RALYL: variants seen among roughly 807,000 people sequenced by gnomAD.
RALYL encodes RALY RNA binding protein like, also known as RNA-binding Raly-like protein.
A neutral mutation model predicts 35.1 loss-of-function variants in RALYL; 29 were observed. The observed-to-expected ratio is 0.83, with a 90% CI of 0.61 to 1.13. RALYL has a LOEUF of 1.13. RALYL is among the 50% of genes most tolerant of loss of function. The probability of loss-of-function intolerance (pLI) is 0.00; values close to 1 mark genes in which losing one functional copy is unlikely to be tolerated. For missense variants in RALYL, 359 were observed against 360.4 expected, an observed-to-expected ratio of 1.00 and a Z score of 0.03; for synonymous variants, 120 against 127.6, an observed-to-expected ratio of 0.94 and a Z score of 0.40.
intron 1 of RALYL, among the ~76,000 whole-genome samples, chr8:84,191,216 A>G (rs1029356691): frequency 4.0e-5 from 6 of 150,610 alleles, no homozygotes; most frequent in Non-Finnish European, 7.4e-5. Context: ...GTGTGTGTAC[A>G]GTGATAACAT....
chr8:84,449,943 G>A (rs1181894819), intron 1 of RALYL, among the ~76,000 whole-genome samples: 1 of 151,606 alleles, frequency 6.6e-6, no homozygotes, highest in East Asian at 2.0e-4. Flanking sequence ...ATAATTCAGG[G>A]ACCATATTGT....
intron 1 of RALYL, among the ~76,000 whole-genome samples, chr8:84,307,438 C>T (rs77845540): frequency 0.018 from 2,768 of 152,208 alleles, 37 homozygotes; most frequent in South Asian, 0.03. Context: ...TTTGCCCTCT[C>T]TTGTCAATTC....
chr8:84,769,523 A>G (rs2634064), intron 2 of RALYL, among the ~76,000 whole-genome samples: 44,123 of 152,052 alleles, frequency 0.29, 7,107 homozygotes, highest in African/African-American at 0.42. Context: ...CACTGTGGGA[A>G]GCCGAGGCTG....
At chr8:84,740,282 T>TA (rs1848044045) in intron 2 of RALYL, among the ~76,000 whole-genome samples, 2 of 152,108 alleles carry the variant, frequency 1.3e-5, no homozygotes, top group African/African-American at 4.8e-5. Context: ...GCAAGTCAGT[T>TA]ACTCTCTGCA....
chr8:84,768,040 C>T (rs1814538505), intron 2 of RALYL, among the ~76,000 whole-genome samples: 1 of 152,140 alleles, frequency 6.6e-6, no homozygotes. Context: ...GAAATAACAC[C>T]TTACTTTTTG....
At chr8:84,629,302 T>G (rs558723533) in intron 2 of RALYL, among the ~76,000 whole-genome samples, 2 of 152,084 alleles carry the variant, frequency 1.3e-5, no homozygotes, top group Non-Finnish European at 2.9e-5. Flanking sequence ...AACTTTTCTT[T>G]AATGGACAGA....
chr8:84,774,475 T>C, intron 2 of RALYL, 104 bp from the exon 3 acceptor site: 2 of 742,066 alleles, frequency 2.7e-6, no homozygotes, highest in Non-Finnish European at 4.5e-6. Flanking sequence ...GTGTACAATA[T>C]TTGCATAAAC....
intron 2 of RALYL, among the ~76,000 whole-genome samples, chr8:84,575,011 T>G (rs962726617): frequency 6.6e-6 from 1 of 152,194 alleles, no homozygotes; most frequent in African/African-American, 2.4e-5. Flanking sequence ...GATTTTACTT[T>G]CATTTCTTCC....
At chr8:84,435,856 C>G (rs1184029326) in intron 1 of RALYL, among the ~76,000 whole-genome samples, 2 of 152,120 alleles carry the variant, frequency 1.3e-5, no homozygotes, top group African/African-American at 2.4e-5. Flanking sequence ...ACCCTACTGT[C>G]TCTAGATTTA....
At chr8:84,625,497 C>G (rs1177652788) in intron 2 of RALYL, among the ~76,000 whole-genome samples, 1 of 152,136 alleles carries the variant, frequency 6.6e-6, no homozygotes, top group Non-Finnish European at 1.5e-5. Flanking sequence ...TATCAAGAAG[C>G]TCATGAATAG....
chr8:84,525,298 A>C (rs1460689969), intron 1 of RALYL, among the ~76,000 whole-genome samples: 1 of 152,102 alleles, frequency 6.6e-6, no homozygotes, highest in Non-Finnish European at 1.5e-5. Flanking sequence ...TTTGCACTGA[A>C]AAATTCATTT....
At chr8:84,596,408 T>C (rs970466697) in intron 2 of RALYL, among the ~76,000 whole-genome samples, 19 of 152,286 alleles carry the variant, frequency 1.2e-4, no homozygotes, top group Non-Finnish European at 1.3e-4. Context: ...TGACACCTGG[T>C]TTTAAATTCT....
chr8:84,714,351 C>T (rs1212767678), intron 2 of RALYL, among the ~76,000 whole-genome samples: 2 of 151,770 alleles, frequency 1.3e-5, no homozygotes, highest in African/African-American at 4.8e-5. Flanking sequence ...ATGGTGACTA[C>T]AGTCATAACA....
At chr8:84,855,133 T>C (rs1205626463) in intron 5 of RALYL, among the ~76,000 whole-genome samples, 1 of 152,160 alleles carries the variant, frequency 6.6e-6, no homozygotes, top group Non-Finnish European at 1.5e-5. Context: ...AGCAGGTCCC[T>C]TTTCCTTGCT....
intron 2 of RALYL, among the ~76,000 whole-genome samples, chr8:84,766,414 C>A (rs1203626106): frequency 6.6e-6 from 1 of 151,820 alleles, no homozygotes; most frequent in Non-Finnish European, 1.5e-5. Flanking sequence ...CATCTCCCAG[C>A]CAGGCGTGGT....
chr8:84,677,214 C>T (rs190048806), intron 2 of RALYL, among the ~76,000 whole-genome samples: 1,888 of 152,204 alleles, frequency 0.012, 48 homozygotes, highest in Non-Finnish European at 0.013. Context: ...TTGTTTTTCC[C>T]GAGTTGTCAA....
intron 1 of RALYL, among the ~76,000 whole-genome samples, chr8:84,365,609 A>G (rs771443329): frequency 2.0e-4 from 31 of 152,218 alleles, no homozygotes; most frequent in Admixed American, 1.8e-3. Context: ...AAGCAAATGT[A>G]TTTTATGAAA....
chr8:84,722,481 G>A (rs1384125485), intron 2 of RALYL, among the ~76,000 whole-genome samples: 1 of 151,164 alleles, frequency 6.6e-6, no homozygotes, highest in African/African-American at 2.4e-5. Context: ...GACCATTTTG[G>A]GCACTATGCC....
intron 1 of RALYL, among the ~76,000 whole-genome samples, chr8:84,477,079 CT>C (rs1002916920): frequency 5.3e-5 from 8 of 152,106 alleles, no homozygotes; most frequent in African/African-American, 1.9e-4. Context: ...ATGAGGCTTT[CT>C]TTTCTTTGGT....
Sources: gnomAD v4.1 joint callset for allele counts (sites outside exome capture counted in the v4.1 genomes callset) on GRCh38, gnomAD v4.1.1 for gene constraint, MANE v1.5 for transcripts, NCBI Gene and HGNC (gene_info 2026-07-23, HGNC 2026-07-21) for gene names.